RPS6KC1: variants seen among roughly 807,000 people sequenced by gnomAD.
RPS6KC1 encodes ribosomal protein S6 kinase C1, also known as inactive ribosomal protein S6 kinase delta-1.
A neutral mutation model predicts 103.8 loss-of-function variants in RPS6KC1; 54 were observed. The ratio of observed to expected loss-of-function variants is 0.52; its 90% confidence interval spans 0.42 to 0.65. RPS6KC1 has a LOEUF of 0.65. Ranked by LOEUF, RPS6KC1 falls within the 30% of genes least tolerant of loss-of-function variation. The probability of loss-of-function intolerance (pLI) is 0.00; values close to 1 mark genes in which losing one functional copy is unlikely to be tolerated. For synonymous variants in RPS6KC1, 439 were observed against 438.7 expected, an observed-to-expected ratio of 1.00 and a Z score of -0.01; for missense variants, 1,151 against 1,253.8, an observed-to-expected ratio of 0.92 and a Z score of 1.24.
the RPS6KC1 span, among the ~76,000 whole-genome samples, chr1:213,547,768 C>T: frequency 0.025 from 3,874 of 152,280 alleles, 286 homozygotes; most frequent in East Asian, 0.29. Flanking sequence ...TTCCTGCTCC[C>T]CTTTACTTTC....
chr1:213,249,996 G>A (rs1441898965), intron 12 of RPS6KC1, among the ~76,000 whole-genome samples: 1 of 152,312 alleles, frequency 6.6e-6, no homozygotes, highest in African/African-American at 2.4e-5. Context: ...GGTAGTGGGA[G>A]AAAAGTGGAA....
At chr1:213,519,913 C>G in the RPS6KC1 span, among the ~76,000 whole-genome samples, 1 of 152,154 alleles carries the variant, frequency 6.6e-6, no homozygotes, top group Admixed American at 6.5e-5. Context: ...AGTCTGTGAG[C>G]TGGGAAGTTT....
the RPS6KC1 span, among the ~76,000 whole-genome samples, chr1:213,566,493 G>C: frequency 1.4e-3 from 48 of 33,472 alleles, no homozygotes; most frequent in African/African-American, 4.1e-3. Flanking sequence ...TTTTTTTTTG[G>C]ATATTGCCTT....
intron 5 of RPS6KC1, among the ~76,000 whole-genome samples, chr1:213,120,123 A>G (rs1335455209): frequency 6.6e-6 from 1 of 152,202 alleles, no homozygotes; most frequent in African/African-American, 2.4e-5. Context: ...CATTTCTGTC[A>G]AAAACACGGA....
chr1:213,557,867 A>G, the RPS6KC1 span, among the ~76,000 whole-genome samples: 1 of 152,202 alleles, frequency 6.6e-6, no homozygotes, highest in African/African-American at 2.4e-5. Context: ...CCTAACAAAT[A>G]AGGCTAAGTA....
chr1:213,597,967 TG>T, the RPS6KC1 span, among the ~76,000 whole-genome samples: 1 of 152,184 alleles, frequency 6.6e-6, no homozygotes, highest in Non-Finnish European at 1.5e-5. Context: ...ATCTCAGGGT[TG>T]TTTGAAAAAA....
At chr1:213,323,972 A>G in the RPS6KC1 span, among the ~76,000 whole-genome samples, 1 of 152,234 alleles carries the variant, frequency 6.6e-6, no homozygotes, top group African/African-American at 2.4e-5. Flanking sequence ...CATACAGAAT[A>G]TTTCCATTGC....
the RPS6KC1 span, among the ~76,000 whole-genome samples, chr1:213,296,477 A>G: frequency 3.9e-5 from 6 of 152,284 alleles, no homozygotes; most frequent in Admixed American, 2.0e-4. Flanking sequence ...TGCATTCTCT[A>G]TCCTCATCAG....
the RPS6KC1 span, among the ~76,000 whole-genome samples, chr1:213,412,360 A>G: frequency 9.2e-5 from 14 of 152,202 alleles, no homozygotes; most frequent in African/African-American, 3.1e-4. Context: ...CTTTTGTGCC[A>G]TTTCTTTGAT....
chr1:213,549,884 A>C, the RPS6KC1 span, among the ~76,000 whole-genome samples: 3,075 of 151,842 alleles, frequency 0.02, 51 homozygotes, highest in Non-Finnish European at 0.031. Context: ...CCAAACCATT[A>C]CCAGTTTCAC....
At chr1:213,726,139 C>T in the RPS6KC1 span, among the ~76,000 whole-genome samples, 4 of 152,160 alleles carry the variant, frequency 2.6e-5, no homozygotes, top group Non-Finnish European at 5.9e-5. Flanking sequence ...GGCTGGAGTA[C>T]AGTGACACAA....
intron 6 of RPS6KC1, among the ~76,000 whole-genome samples, chr1:213,152,086 G>T (rs1268215728): frequency 7.0e-6 from 1 of 142,368 alleles, no homozygotes; most frequent in Non-Finnish European, 1.5e-5. Flanking sequence ...CGGACGGGGC[G>T]GCTGGCTGGG....
chr1:213,131,492 G>A (rs1239889471), intron 6 of RPS6KC1, among the ~76,000 whole-genome samples: 1 of 151,806 alleles, frequency 6.6e-6, no homozygotes, highest in Non-Finnish European at 1.5e-5. Context: ...CACCCAGGCT[G>A]GAGGGCAGTG....
the RPS6KC1 span, among the ~76,000 whole-genome samples, chr1:213,668,136 A>G: frequency 6.6e-6 from 1 of 152,202 alleles, no homozygotes; most frequent in African/African-American, 2.4e-5. Context: ...ATGGCATCTA[A>G]CATGGTGAAT....
At chr1:213,473,629 G>A in the RPS6KC1 span, among the ~76,000 whole-genome samples, 3 of 152,198 alleles carry the variant, frequency 2.0e-5, no homozygotes, top group Admixed American at 2.0e-4. Flanking sequence ...TTATAGGGAA[G>A]GGAGTAGGAC....
the RPS6KC1 span, among the ~76,000 whole-genome samples, chr1:213,416,292 T>TG: frequency 1.3e-5 from 2 of 152,200 alleles, no homozygotes; most frequent in Non-Finnish European, 2.9e-5. Context: ...AAATTGAAGA[T>TG]CTAGGGCTTC....
chr1:213,508,348 T>C, the RPS6KC1 span, among the ~76,000 whole-genome samples: 1 of 152,188 alleles, frequency 6.6e-6, no homozygotes, highest in Non-Finnish European at 1.5e-5. Flanking sequence ...AGAAAATGAT[T>C]TTCTGAATAA....
the RPS6KC1 span, among the ~76,000 whole-genome samples, chr1:213,468,823 C>A: frequency 6.6e-6 from 1 of 152,102 alleles, no homozygotes; most frequent in Non-Finnish European, 1.5e-5. Flanking sequence ...CTCCCGAGTG[C>A]CCTTCACTCA....
chr1:213,163,730 A>G (rs2090704194), intron 6 of RPS6KC1, among the ~76,000 whole-genome samples: 1 of 151,918 alleles, frequency 6.6e-6, no homozygotes, highest in Non-Finnish European at 1.5e-5. Flanking sequence ...CCAAATACAT[A>G]TTTGGGTAAT....
Sources: gnomAD v4.1 joint callset for allele counts (sites outside exome capture counted in the v4.1 genomes callset) on GRCh38, gnomAD v4.1.1 for gene constraint, MANE v1.5 for transcripts, NCBI Gene and HGNC (gene_info 2026-07-23, HGNC 2026-07-21) for gene names.